Variants in DENND1A observed in about 807,000 individuals in gnomAD.
DENND1A encodes the protein DENN domain containing 1A, also known as DENN domain-containing protein 1A.
A neutral mutation model predicts 113.7 loss-of-function variants in DENND1A; 51 were observed. The ratio of observed to expected loss-of-function variants is 0.45; its 90% CI spans 0.36 to 0.57. The LOEUF (loss-of-function observed/expected upper bound fraction) is 0.57, where lower values mean the gene tolerates loss of function less well. Among genes scored for constraint, DENND1A ranks in the 20% least tolerant of loss-of-function variants. DENND1A has a pLI of 0.00. For synonymous variants in DENND1A, 565 were observed against 570.8 expected, an observed-to-expected ratio of 0.99 and a Z score of 0.14; for missense variants, 1,258 against 1,395.9, an observed-to-expected ratio of 0.90 and a Z score of 1.57.
At chr9:123,900,928 A>G (rs778752669) in intron 1 of DENND1A, among the ~76,000 whole-genome samples, 3 of 152,234 alleles carry the variant, frequency 2.0e-5, no homozygotes, top group Non-Finnish European at 4.4e-5. Context: ...CAAAGAATAA[A>G]CATGAAAATT....
intron 18 of DENND1A, among the ~76,000 whole-genome samples, chr9:123,443,706 G>A (rs2047095920): frequency 6.6e-6 from 1 of 152,244 alleles, no homozygotes; most frequent in African/African-American, 2.4e-5. Flanking sequence ...GGTAATCCCA[G>A]CACTTTAGGG....
At chr9:123,773,791 T>C (rs1830074679) in intron 3 of DENND1A, among the ~76,000 whole-genome samples, 1 of 151,624 alleles carries the variant, frequency 6.6e-6, no homozygotes. Context: ...AAGTGCAGAG[T>C]GATTATAGTG....
chr9:123,601,204 T>G (rs938156164), intron 11 of DENND1A, among the ~76,000 whole-genome samples: 3 of 152,184 alleles, frequency 2.0e-5, no homozygotes, highest in African/African-American at 7.2e-5. Flanking sequence ...CCATCTCACG[T>G]GAGAATATTT....
chr9:123,625,214 G>T (rs534228036), intron 10 of DENND1A, among the ~76,000 whole-genome samples: 34 of 152,268 alleles, frequency 2.2e-4, no homozygotes, highest in African/African-American at 7.7e-4. Context: ...AGCTCTTGGG[G>T]CCTTGGTCTA....
chr9:123,839,522 G>A (rs769363684), intron 2 of DENND1A, among the ~76,000 whole-genome samples: 13 of 152,022 alleles, frequency 8.6e-5, no homozygotes, highest in Non-Finnish European at 1.6e-4. Flanking sequence ...CAGTTTCCGC[G>A]ACAGACAGGC....
chr9:123,901,526 C>G (rs1851616130), intron 1 of DENND1A, among the ~76,000 whole-genome samples: 1 of 152,196 alleles, frequency 6.6e-6, no homozygotes, highest in South Asian at 2.1e-4. Flanking sequence ...AAGCTCCTCA[C>G]ACTTAATATA....
intron 1 of DENND1A, among the ~76,000 whole-genome samples, chr9:123,913,144 A>G (rs1854381790): frequency 2.0e-5 from 3 of 151,276 alleles, no homozygotes; most frequent in Admixed American, 2.0e-4. Context: ...AAAAACCTTC[A>G]AAGTTCAGCA....
At chr9:123,434,840 G>C (rs1002863531) in intron 19 of DENND1A, among the ~76,000 whole-genome samples, 7 of 152,102 alleles carry the variant, frequency 4.6e-5, no homozygotes, top group Non-Finnish European at 8.8e-5. Context: ...GCTTACAGTG[G>C]ACCCGGCTTA....
At chr9:123,920,537 A>G (rs78046250) in intron 1 of DENND1A, among the ~76,000 whole-genome samples, 18,859 of 152,158 alleles carry the variant, frequency 0.12, 1,718 homozygotes, top group African/African-American at 0.26. Flanking sequence ...TAGATTTCCA[A>G]TATTTATGAT....
intron 1 of DENND1A, among the ~76,000 whole-genome samples, chr9:123,916,918 G>A (rs1004214678): frequency 1.3e-5 from 2 of 151,934 alleles, no homozygotes; most frequent in African/African-American, 2.4e-5. Flanking sequence ...GGCCAGGCAC[G>A]GTGGCTCCTG....
At chr9:123,613,835 G>T (rs1241128315) in intron 10 of DENND1A, among the ~76,000 whole-genome samples, 4 of 152,168 alleles carry the variant, frequency 2.6e-5, no homozygotes, top group Admixed American at 1.3e-4. Flanking sequence ...AGCAGAATGG[G>T]GTATATCTGT....
At chr9:123,895,293 C>T (rs1850555373) in intron 1 of DENND1A, among the ~76,000 whole-genome samples, 1 of 151,888 alleles carries the variant, frequency 6.6e-6, no homozygotes, top group Non-Finnish European at 1.5e-5. Flanking sequence ...TTTCCATCTT[C>T]TCAGATAAAT....
At chr9:123,602,619 G>A (rs1417768644) in intron 11 of DENND1A, among the ~76,000 whole-genome samples, 4 of 152,228 alleles carry the variant, frequency 2.6e-5, no homozygotes, top group South Asian at 2.1e-4. Flanking sequence ...TTCTTGCCAT[G>A]AGCCTATGAA....
intron 22 of DENND1A, among the ~76,000 whole-genome samples, chr9:123,385,665 T>C (rs563707071): frequency 6.6e-6 from 1 of 152,264 alleles, no homozygotes; most frequent in Non-Finnish European, 1.5e-5. Context: ...TCATGTACTC[T>C]CTCGCTGAAG....
rs12686314 is a variant in DENND1A at position 123,424,501 on chromosome 9, G to A, written c.1489-12672C>T. Among the ~76,000 whole-genome samples, 156 of 152,316 alleles carry A rather than the reference G, an allele frequency of 1.0e-3. 2 individuals carry two copies. The East Asian group carries it at 0.024, about 24-fold the overall frequency. On this transcript the variant is annotated intron_variant, in intron 19 of 23. Coordinates refer to ENST00000394215, the MANE Select transcript of DENND1A (RefSeq NM_001352964.2). ...ACCAGCCCTGGCCTGAGCAATGTCC[G>A]TGGGATCATCAGTGGTCTCTCTGCC...
chr9:123,487,482 G>A (rs7874087), intron 13 of DENND1A, among the ~76,000 whole-genome samples: 7,562 of 152,320 alleles, frequency 0.05, 218 homozygotes, highest in East Asian at 0.071. Context: ...CCTGAACCAT[G>A]AGCAAAGATA....
intron 13 of DENND1A, among the ~76,000 whole-genome samples, chr9:123,461,635 C>T (rs1365373859): frequency 1.3e-5 from 2 of 152,164 alleles, no homozygotes; most frequent in African/African-American, 2.4e-5. Flanking sequence ...CAACCAGATT[C>T]GTAGATGAGG....
rs570807872 is a variant in DENND1A, at chr9:123,796,109, A to C, written c.89-3479T>G. On this transcript the variant is annotated intron_variant, in intron 2 of 23. Transcript: ENST00000394215. ...ACAGGAAAAAAATATTGTATTTAAA[A>C]TATCTTGCTAATAATATGTACGCCC... Among the ~76,000 whole-genome samples, 4 of 152,352 alleles carry C rather than the reference A, an allele frequency of 2.6e-5. No homozygotes were observed. The East Asian group carries it at 7.7e-4, about 29-fold the overall frequency.
intron 3 of DENND1A, among the ~76,000 whole-genome samples, chr9:123,790,631 T>C (rs1832862043): frequency 6.6e-6 from 1 of 152,144 alleles, no homozygotes; most frequent in Non-Finnish European, 1.5e-5. Context: ...AATTCCAACT[T>C]CAATATATGA....
Sources: gnomAD v4.1 joint callset for allele counts (sites outside exome capture counted in the v4.1 genomes callset) on GRCh38, gnomAD v4.1.1 for gene constraint, MANE v1.5 for transcripts, NCBI Gene and HGNC (gene_info 2026-07-23, HGNC 2026-07-21) for gene names.